Variants in PDE11A observed in about 807,000 individuals in gnomAD.
The protein encoded by PDE11A is phosphodiesterase 11A, also known as dual 3',5'-cyclic-AMP and -GMP phosphodiesterase 11A.
PDE11A carries 100 observed loss-of-function variants against 100.5 expected under a neutral mutation model. That is an observed-to-expected ratio of 1.00 (90% CI 0.85 to 1.18). The LOEUF (loss-of-function observed/expected upper bound fraction) is 1.18. PDE11A is among the 50% of genes most tolerant of loss of function. The pLI, the probability that PDE11A is intolerant of heterozygous loss-of-function variation, is 0.00. For missense variants in PDE11A, 1,141 were observed against 1,152.6 expected (o/e 0.99, Z 0.15); for synonymous variants, 381 against 420.8 (o/e 0.91, Z 1.16).
At chr2:177,868,093 A>G (rs773854680) in intron 5 of PDE11A, among the ~76,000 whole-genome samples, 2 of 152,216 alleles carry the variant, frequency 1.3e-5, no homozygotes, top group African/African-American at 2.4e-5. Context: ...TAGAAGGGGT[A>G]ATCTGTTTTG....
chr2:178,108,037 G>T (rs1017055238), intron 1 of PDE11A, among the ~76,000 whole-genome samples: 1 of 152,034 alleles, frequency 6.6e-6, no homozygotes, highest in East Asian at 1.9e-4. Flanking sequence ...ACTTTTTAAG[G>T]GTGACTTGGC....
At chr2:177,879,562 C>T (rs1399170285) in intron 4 of PDE11A, among the ~76,000 whole-genome samples, 2 of 152,074 alleles carry the variant, frequency 1.3e-5, no homozygotes, top group East Asian at 1.9e-4. Flanking sequence ...CTTAATTTGC[C>T]CTGGCTCCTC....
At chr2:177,792,113 A>G (rs550652985) in intron 9 of PDE11A, among the ~76,000 whole-genome samples, 1 of 152,336 alleles carries the variant, frequency 6.6e-6, no homozygotes, top group South Asian at 2.1e-4. Context: ...TTCCATTCCC[A>G]CAATTGCATT....
intron 5 of PDE11A, among the ~76,000 whole-genome samples, chr2:177,847,380 T>G (rs2083618562): frequency 6.6e-6 from 1 of 152,172 alleles, no homozygotes; most frequent in African/African-American, 2.4e-5. Flanking sequence ...GTCTAAAAAC[T>G]CCCACCAGAG....
chr2:177,901,190 AC>A (rs2105731206), intron 3 of PDE11A, among the ~76,000 whole-genome samples: 1 of 152,192 alleles, frequency 6.6e-6, no homozygotes, highest in Admixed American at 6.5e-5. Flanking sequence ...CAGACCCCGT[AC>A]CTGATGGATC....
rs536906432 is a variant in PDE11A at position 177,985,633 on chromosome 2, A to T, written c.1071+28669T>A. Among the ~76,000 whole-genome samples the T allele has an allele frequency of 1.9e-4, 29 of 152,346 alleles. No individual in the cohort carries two copies. The South Asian group carries it at 6.0e-3, about 32-fold the overall frequency. On this transcript the variant is annotated intron_variant, in intron 2 of 19. Transcript: ENST00000286063. ...AGGCAATGCAAGAATTCTGAACTCA[A>T]CGTTAAGAAACACTATTTTCATCCA... is the stretch of plus-strand genomic sequence containing the variant.
intron 12 of PDE11A, among the ~76,000 whole-genome samples, chr2:177,726,821 C>CT (rs954986083): frequency 4.6e-4 from 70 of 150,710 alleles, no homozygotes; most frequent in African/African-American, 1.5e-3. Flanking sequence ...GACTCACATT[C>CT]TTTTTTTTTG....
At chr2:177,950,430 G>T (rs10174152) in intron 2 of PDE11A, among the ~76,000 whole-genome samples, 1 of 152,054 alleles carries the variant, frequency 6.6e-6, no homozygotes, top group African/African-American at 2.4e-5. Flanking sequence ...CATCCTCAAA[G>T]TCTGGTATCT....
rs111906811 is a variant in PDE11A at position 178,012,415 on chromosome 2, G to A, written c.1071+1887C>T. Among the ~76,000 whole-genome samples, 792 of 152,220 alleles carry A rather than the reference G, an allele frequency of 5.2e-3. 5 individuals are homozygous for A. Among genetic ancestry groups the A allele is most frequent in the African/African-American group, 0.018 (746 of 41,556 alleles). ...ACACTTGCCTAGTTTCTTGTATTTT[G>A]CAAAGTATTTCTCATTGATGATCTT... On this transcript the variant is annotated intron_variant, in intron 2 of 19. Transcript: ENST00000286063.
At chr2:177,656,524 A>G (rs549714805) in intron 19 of PDE11A, among the ~76,000 whole-genome samples, 1 of 151,488 alleles carries the variant, frequency 6.6e-6, no homozygotes, top group South Asian at 2.1e-4. Context: ...ATGACATTAT[A>G]AGCTTACTTC....
chr2:177,950,931 CA>C (rs71410778), intron 2 of PDE11A, among the ~76,000 whole-genome samples: 1 of 141,566 alleles, frequency 7.1e-6, no homozygotes, highest in Non-Finnish European at 1.5e-5. Context: ...GACTCCGTCT[CA>C]AAAAAAAAAG....
At chr2:177,709,117 C>T (rs1174017394) in intron 13 of PDE11A, among the ~76,000 whole-genome samples, 2 of 152,072 alleles carry the variant, frequency 1.3e-5, no homozygotes, top group Admixed American at 6.6e-5. Flanking sequence ...TGAGCTGCGG[C>T]GAGTGGGCAC....
intron 9 of PDE11A, among the ~76,000 whole-genome samples, chr2:177,784,806 T>C (rs536352638): frequency 2.6e-5 from 4 of 152,232 alleles, no homozygotes; most frequent in Admixed American, 6.5e-5. Flanking sequence ...ATTATAATCA[T>C]GTAAGTCAAC....
chr2:177,959,802 A>G (rs184754784), intron 2 of PDE11A, among the ~76,000 whole-genome samples: 1 of 152,310 alleles, frequency 6.6e-6, no homozygotes, highest in Admixed American at 6.5e-5. Context: ...TTACAGGTTT[A>G]TTAAGTATTG....
intron 6 of PDE11A, among the ~76,000 whole-genome samples, chr2:177,835,764 G>A (rs967188280): frequency 3.0e-4 from 45 of 152,292 alleles, no homozygotes; most frequent in African/African-American, 8.4e-4. Flanking sequence ...CCCTGCATTC[G>A]GAGCGGCCAG....
Position 177,629,354 on chromosome 2 carries a change from G to C in PDE11A, c.*53C>G. On this transcript the variant is annotated 3_prime_UTR_variant, in exon 20 of 20. Coordinates refer to ENST00000286063, the MANE Select transcript of PDE11A (RefSeq NM_016953.4). ...AACAAAAGGATGACATTGCTGGACT[G>C]AAAATGGCCCTTCAGGCTGTAGTCA... 6.6e-7 allele frequency: 1 copy of C among 1,506,114 alleles called. No individual in the cohort carries two copies. The highest frequency in any genetic ancestry group is 1.4e-5 in the African/African-American group (1 of 73,232). The allele number at this position is 1,506,114 out of a possible 1,614,324, so 93.3% of individuals were successfully genotyped here.
At chr2:177,748,293 A>T (rs1376195015) in intron 10 of PDE11A, among the ~76,000 whole-genome samples, 1 of 152,194 alleles carries the variant, frequency 6.6e-6, no homozygotes, top group East Asian at 1.9e-4. Context: ...ACTAAACAGA[A>T]ATTCTAGATG....
chr2:177,658,756 T>C (rs1047631268), intron 19 of PDE11A, among the ~76,000 whole-genome samples: 15 of 151,904 alleles, frequency 9.9e-5, no homozygotes, highest in African/African-American at 3.6e-4. Context: ...AAGTTGTTTT[T>C]AGGGAACACT....
intron 19 of PDE11A, among the ~76,000 whole-genome samples, chr2:177,660,024 A>G (rs532477730): frequency 6.1e-5 from 9 of 147,866 alleles, no homozygotes; most frequent in African/African-American, 1.5e-4. Flanking sequence ...TCATCCTGTT[A>G]CAATCATTTT....
Sources: allele counts gnomAD v4.1 joint callset (sites outside exome capture counted in the v4.1 genomes callset), GRCh38; gene constraint gnomAD v4.1.1; transcripts MANE v1.5; gene names NCBI Gene and HGNC (gene_info 2026-07-23, HGNC 2026-07-21).